The following GCNT2 variants were observed in gnomAD, a reference collection of about 807,000 sequenced individuals.
GCNT2 encodes the protein N-acetyllactosaminide beta-1,6-N-acetylglucosaminyl-transferase.
Under a neutral mutation model 34.2 loss-of-function variants are expected in GCNT2, and 34 were observed. The observed-to-expected ratio is 1.00, with a 90% CI of 0.76 to 1.32. The LOEUF is 1.32. Among genes scored for constraint, GCNT2 ranks in the 40% most tolerant of loss-of-function variants. The pLI is 0.00. For missense variants in GCNT2, 584 were observed against 489.4 expected, an observed-to-expected ratio of 1.19 and a Z score of -1.82; for synonymous variants, 212 against 188.0, an observed-to-expected ratio of 1.13 and a Z score of -1.04.
At position 10,529,408 on chromosome 6, in the gene GCNT2, GGCTCCAGGCTGACCTGAACT is replaced by G. The variant is rs1406951464; in HGVS notation, c.500_519del (p.Leu167ProfsTer8). On this transcript the variant is annotated frameshift_variant, in exon 3 of 5. Coordinates refer to ENST00000495262, the MANE Select transcript of GCNT2 (RefSeq NM_145649.5). LOFTEE classifies it high-confidence loss of function. Reference sequence around the variant, plus strand: ...TCGGTTGTCTATGGGGGGATCTCCAGGCTCCAGGCTGACCTGAACTGCCTGGAAGACCTTGTGGCCTCTGA... The same window carrying G: ...TCGGTTGTCTATGGGGGGATCTCCAGGCCTGGAAGACCTTGTGGCCTCTGA... 6.2e-7 allele frequency: 1 copy of G among 1,614,144 alleles called. No individual in the cohort carries two copies. The highest frequency in any genetic ancestry group is 1.3e-5 in the African/African-American group (1 of 75,028).
chr6:10,613,277 T>A (rs1273245813), intron 3 of GCNT2, among the ~76,000 whole-genome samples: 1 of 152,210 alleles, frequency 6.6e-6, no homozygotes, highest in African/African-American at 2.4e-5. Context: ...TCCTGGTTAC[T>A]CTGTAAACTT....
rs1011840397 is a variant in GCNT2 at position 10,569,945 on chromosome 6, CTTCTTCCT to C, written c.925+40111_925+40118del. ...CCTTTCTCTCTCTCTTCCTTCCTTC[CTTCTTCCT>C]TCCTTCCTTCCTTTCTTTCTCTCTT... On this transcript the variant is annotated intron_variant, in intron 3 of 4. Transcript: ENST00000495262. 2.4e-4 allele frequency among the ~76,000 whole-genome samples: 20 copies of C among 84,904 alleles called. No homozygotes were observed. In the East Asian group the frequency reaches 5.0e-3, roughly 21 times the overall value. 55.7% of individuals were successfully genotyped at this position (84,904 alleles called of 152,430 possible).
chr6:10,524,636 A>G (rs765841770), intron 1 of GCNT2, among the ~76,000 whole-genome samples: 12 of 152,144 alleles, frequency 7.9e-5, no homozygotes, highest in Non-Finnish European at 1.2e-4. Context: ...AGAGGAGGAC[A>G]GGAAAAGGTT....
chr6:10,622,074 G>T (rs1015661034), intron 4 of GCNT2, among the ~76,000 whole-genome samples: 1 of 152,120 alleles, frequency 6.6e-6, no homozygotes, highest in African/African-American at 2.4e-5. Context: ...GAGCTGTCGG[G>T]GTTTGCACAG....
intron 3 of GCNT2, among the ~76,000 whole-genome samples, chr6:10,589,855 C>G (rs1055640814): frequency 6.6e-6 from 1 of 152,148 alleles, no homozygotes; most frequent in Non-Finnish European, 1.5e-5. Flanking sequence ...GCCATATTGT[C>G]TGTGAGAAAC....
At chr6:10,600,300 T>C (rs1350469168) in intron 3 of GCNT2, among the ~76,000 whole-genome samples, 4 of 152,230 alleles carry the variant, frequency 2.6e-5, no homozygotes, top group Non-Finnish European at 4.4e-5. Context: ...CAAAGTCTTA[T>C]AGGTATACTA....
chr6:10,616,680 T>G (rs778594614), intron 3 of GCNT2, among the ~76,000 whole-genome samples: 3 of 152,232 alleles, frequency 2.0e-5, no homozygotes, highest in African/African-American at 4.8e-5. Flanking sequence ...TGCCGATTGG[T>G]GCACTCACAA....
At chr6:10,527,886 C>G (rs1323751075) in intron 2 of GCNT2, among the ~76,000 whole-genome samples, 1 of 152,054 alleles carries the variant, frequency 6.6e-6, no homozygotes, top group Non-Finnish European at 1.5e-5. Flanking sequence ...AAAAAAAAAG[C>G]CTCCTTTAAA....
chr6:10,572,135 AC>A (rs1024145088), intron 3 of GCNT2, among the ~76,000 whole-genome samples: 5 of 152,158 alleles, frequency 3.3e-5, no homozygotes, highest in African/African-American at 1.2e-4. Context: ...ACAGTTGGTC[AC>A]CCTGAGCACC....
chr6:10,540,365 T>C (rs1332459858), intron 3 of GCNT2, among the ~76,000 whole-genome samples: 1 of 136,916 alleles, frequency 7.3e-6, no homozygotes, highest in Non-Finnish European at 1.5e-5. Flanking sequence ...GAATACTCTT[T>C]ATCTTTGCTG....
chr6:10,627,129 T>C lies in GCNT2; in HGVS notation c.*522T>C, dbSNP rs1766290423. ...CTGAATGGAGAATACATCTTGTTTC[T>C]GAGTTTCAACACTAGCATTTTTGGC... is the stretch of plus-strand genomic sequence containing the variant. On this transcript the variant is annotated 3_prime_UTR_variant, in exon 5 of 5. Transcript: ENST00000495262. The C allele has an allele frequency of 2.5e-5, 4 of 160,692 alleles. No individual in the cohort carries two copies. The highest frequency in any genetic ancestry group is 4.1e-5 in the Non-Finnish European group (3 of 72,456). The allele number at this position is 160,692 out of a possible 1,614,324, so 10.0% of individuals were successfully genotyped here.
chr6:10,626,349 T>A lies in GCNT2; in HGVS notation c.1019-68T>A. ...GTTAGTCGGAGAGTACCTCTAGTAT[T>A]CTGTAAGTTCATCACCCTTTTGAAA... On this transcript the variant is annotated intron_variant, in intron 4 of 4. Transcript: ENST00000495262. 2 of 1,111,432 alleles carry A rather than the reference T, an allele frequency of 1.8e-6. 1 individual carries two copies. The highest frequency in any genetic ancestry group is 2.5e-5 in the South Asian group (2 of 80,664). 68.8% of individuals were successfully genotyped at this position (1,111,432 alleles called of 1,614,324 possible).
At chr6:10,588,705 G>C (rs1445104415) in intron 3 of GCNT2, among the ~76,000 whole-genome samples, 2 of 152,092 alleles carry the variant, frequency 1.3e-5, no homozygotes, top group Non-Finnish European at 2.9e-5. Context: ...GATGAGGTTA[G>C]CAGGGATATG....
chr6:10,553,051 A>G (rs531428923), intron 3 of GCNT2, among the ~76,000 whole-genome samples: 1 of 152,318 alleles, frequency 6.6e-6, no homozygotes, highest in East Asian at 1.9e-4. Context: ...TTACATGTCT[A>G]GTGTTGCTGC....
At chr6:10,589,810 T>C (rs981783226) in intron 3 of GCNT2, among the ~76,000 whole-genome samples, 1 of 151,336 alleles carries the variant, frequency 6.6e-6, no homozygotes, top group South Asian at 2.1e-4. Flanking sequence ...ACTACAGATA[T>C]ACTCAGAAAA....
rs972531414 is a variant in GCNT2 at position 10,527,505 on chromosome 6, C to G, written c.-437C>G. ...CTAGGAGCCAGAAACATGAGGAATA[C>G]ATGAGCTCGGCGCCAATGGAACATG... On this transcript the variant is annotated 5_prime_UTR_variant, in exon 2 of 5. Coordinates refer to ENST00000495262, the MANE Select transcript of GCNT2 (RefSeq NM_145649.5). The G allele has an allele frequency of 2.0e-5, 3 of 152,204 alleles. No individual in the cohort carries two copies. Among genetic ancestry groups the G allele is most frequent in the Non-Finnish European group, 4.4e-5 (3 of 68,044 alleles). 9.4% of individuals were successfully genotyped at this position (152,204 alleles called of 1,614,324 possible).
chr6:10,617,743 A>ATTTTTTTTTTTTTTTTTT (rs1254996839), intron 3 of GCNT2, among the ~76,000 whole-genome samples: 12 of 112,782 alleles, frequency 1.1e-4, no homozygotes, highest in African/African-American at 2.3e-4. Flanking sequence ...CAGAGTCTGC[A>ATTTTTTTTTTTTTTTTTT]TTTCTTCTTT....
At chr6:10,585,219 G>A (rs533095592) in intron 3 of GCNT2, among the ~76,000 whole-genome samples, 2 of 152,072 alleles carry the variant, frequency 1.3e-5, no homozygotes, top group East Asian at 1.9e-4. Context: ...TCTCACTGTC[G>A]CCCAGGCTGG....
intron 3 of GCNT2, among the ~76,000 whole-genome samples, chr6:10,615,331 T>C (rs1388525506): frequency 6.6e-6 from 1 of 152,148 alleles, no homozygotes; most frequent in Non-Finnish European, 1.5e-5. Context: ...AATTTCTTTT[T>C]TGAGACAGGA....
Sources: allele counts gnomAD v4.1 joint callset (sites outside exome capture counted in the v4.1 genomes callset), GRCh38; gene constraint gnomAD v4.1.1; transcripts MANE v1.5; gene names NCBI Gene and HGNC (gene_info 2026-07-23, HGNC 2026-07-21).